The following TMPRSS15 variants were observed in gnomAD, a reference collection of about 807,000 sequenced individuals.
TMPRSS15 encodes enteropeptidase.
Under a neutral mutation model 125.3 loss-of-function variants are expected in TMPRSS15, and 128 were observed. That is an observed-to-expected ratio of 1.02 (90% CI 0.89 to 1.18). TMPRSS15 has a LOEUF of 1.18. Ranked by LOEUF, TMPRSS15 falls within the 50% of genes most tolerant of loss-of-function variation. The probability of loss-of-function intolerance (pLI) is 0.00; values close to 1 mark genes in which losing one functional copy is unlikely to be tolerated. For missense variants in TMPRSS15, 1,283 were observed against 1,212.7 expected, an observed-to-expected ratio of 1.06 and a Z score of -0.86; for synonymous variants, 446 against 423.2, an observed-to-expected ratio of 1.05 and a Z score of -0.66.
chr21:18,288,002 G>T (rs977345224), intron 21 of TMPRSS15, among the ~76,000 whole-genome samples: 2 of 152,114 alleles, frequency 1.3e-5, no homozygotes, highest in Admixed American at 6.6e-5. Flanking sequence ...CAAAGGAAAA[G>T]AAATCAGTGT....
intron 1 of TMPRSS15, among the ~76,000 whole-genome samples, chr21:18,440,266 G>C (rs1310469818): frequency 1.3e-5 from 2 of 149,224 alleles, no homozygotes; most frequent in African/African-American, 5.0e-5. Context: ...CCAGCTACAC[G>C]GGAGGCTGAG....
At chr21:18,437,064 A>G (rs1474664022) in intron 1 of TMPRSS15, among the ~76,000 whole-genome samples, 1 of 148,650 alleles carries the variant, frequency 6.7e-6, no homozygotes, top group Non-Finnish European at 1.5e-5. Flanking sequence ...ATGCTACCTG[A>G]CTTCAAACTA....
intron 18 of TMPRSS15, among the ~76,000 whole-genome samples, chr21:18,308,416 AG>A (rs1379411255): frequency 6.8e-6 from 1 of 147,696 alleles, no homozygotes; most frequent in East Asian, 1.9e-4. Context: ...TTTAAAGTAC[AG>A]GAAGGCTCTG....
intron 16 of TMPRSS15, among the ~76,000 whole-genome samples, chr21:18,317,801 TCCC>T (rs2075184532): frequency 1.9e-5 from 2 of 107,146 alleles, no homozygotes; most frequent in Non-Finnish European, 1.9e-5. Context: ...TCCCATCCCA[TCCC>T]ATCCCATCCC....
Position 18,269,982 on chromosome 21 carries a change from C to G in TMPRSS15, c.3047G>C (p.Ser1016Thr). 6.2e-7 allele frequency: 1 copy of G among 1,613,780 alleles called. No individual in the cohort carries two copies. The highest frequency in any genetic ancestry group is 1.3e-5 in the African/African-American group (1 of 74,970). ...TTAAGAAATGCGCTAATGTAGAAAA[C>G]TTTGTATCCATTCGGTAAACCTTGA... The part of the protein sequence containing the change: ...RVSRFTEWIQ[S>T]FLH The change falls in exon 25 of 25, where the codon AGT becomes ACT. Residue 1016 changes from serine to threonine, a missense_variant. Ser to Thr is a moderately conservative substitution (Grantham distance 58). Transcript: ENST00000284885.
intron 16 of TMPRSS15, among the ~76,000 whole-genome samples, chr21:18,319,721 G>A (rs762429376): frequency 4.6e-5 from 7 of 152,270 alleles, no homozygotes; most frequent in South Asian, 2.1e-4. Context: ...GAGCCACCGC[G>A]CCCGGCCTTT....
At chr21:18,392,019 C>T (rs946178131) in intron 3 of TMPRSS15, among the ~76,000 whole-genome samples, 5 of 152,166 alleles carry the variant, frequency 3.3e-5, no homozygotes, top group Non-Finnish European at 5.9e-5. Flanking sequence ...GGGCACCAAG[C>T]CCCAAGGCTG....
chr21:18,458,466 A>C (rs1287428136), intron 1 of TMPRSS15, among the ~76,000 whole-genome samples: 1 of 152,112 alleles, frequency 6.6e-6, no homozygotes, highest in Non-Finnish European at 1.5e-5. Context: ...AAATAGATGA[A>C]ATTCAGCAAT....
In TMPRSS15 at chr21:18,372,300, G is replaced by C; in HGVS notation, c.557C>G (p.Pro186Arg). Residue 186 changes from proline to arginine, a missense_variant, in exon 6 of 25, where the codon CCT (proline) becomes CGT (arginine). Pro to Arg is a moderately radical substitution (Grantham distance 103). Coordinates refer to ENST00000284885, the MANE Select transcript of TMPRSS15 (RefSeq NM_002772.3). ...TPGNVSIECLPGSSPCTDALT... is the reference protein window; with the variant it reads ...TPGNVSIECLRGSSPCTDALT... ...AGCATCAGTACAAGGACTTGAACCA[G>C]GCAGGCACTCTATTGAGACATTTCC... 6.2e-7 allele frequency: 1 copy of C among 1,613,150 alleles called. No individual in the cohort carries two copies. Among genetic ancestry groups the C allele is most frequent in the Non-Finnish European group, 8.5e-7 (1 of 1,179,436 alleles).
chr21:18,347,973 A>C (rs968134299), intron 10 of TMPRSS15, among the ~76,000 whole-genome samples: 3 of 152,160 alleles, frequency 2.0e-5, no homozygotes, highest in Non-Finnish European at 4.4e-5. Flanking sequence ...CTGTTTTTAC[A>C]AAAAAGAGAA....
intron 1 of TMPRSS15, among the ~76,000 whole-genome samples, chr21:18,451,894 C>CATGCATGCATAATTTT (rs901749433): frequency 3.2e-5 from 4 of 124,072 alleles, no homozygotes; most frequent in Non-Finnish European, 7.0e-5. Context: ...ACATGCATGA[C>CATGCATGCATAATTTT]ATGCATGCAT....
In TMPRSS15 at chr21:18,294,441, C is replaced by A. The variant is rs1568988725; in HGVS notation, c.2315G>T (p.Cys772Phe). Residue 772 changes from cysteine (C) to phenylalanine (F), a missense_variant, in exon 21 of 25, where the codon TGT becomes TTT. Physicochemically the swap from Cys to Phe is radical, Grantham distance 205 (BLOSUM62 -2). Coordinates refer to ENST00000284885, the MANE Select transcript of TMPRSS15 (RefSeq NM_002772.3). ...LIRLQCNHKSCGKKLAAQDIT... is the reference protein window; with the variant it reads ...LIRLQCNHKSFGKKLAAQDIT... ...GTCTTGAGCTGCCAGTTTTTTTCCACAAGCTATTAAAATAATTGGAGAAAG... is the reference window on the plus strand; with the variant it reads ...GTCTTGAGCTGCCAGTTTTTTTCCAAAAGCTATTAAAATAATTGGAGAAAG... 1.2e-6 allele frequency: 2 copies of A among 1,614,190 alleles called. No individual in the cohort carries two copies. Among genetic ancestry groups the A allele is most frequent in the East Asian group, 2.2e-5 (1 of 44,884 alleles).
intron 17 of TMPRSS15, among the ~76,000 whole-genome samples, chr21:18,313,663 C>T (rs2075126561): frequency 6.6e-6 from 1 of 151,624 alleles, no homozygotes; most frequent in Non-Finnish European, 1.5e-5. Flanking sequence ...TTCTTAAGAG[C>T]ATGATGGAAG....
chr21:18,354,654 G>A (rs1473715775), intron 8 of TMPRSS15, among the ~76,000 whole-genome samples: 1 of 151,504 alleles, frequency 6.6e-6, no homozygotes, highest in African/African-American at 2.4e-5. Flanking sequence ...CACAGTCCAC[G>A]AACAGATACA....
At chr21:18,428,052 T>C (rs1402816028) in intron 1 of TMPRSS15, among the ~76,000 whole-genome samples, 1 of 152,242 alleles carries the variant, frequency 6.6e-6, no homozygotes, top group Non-Finnish European at 1.5e-5. Flanking sequence ...AATGAAGAGT[T>C]ACAATGGGAA....
chr21:18,279,676 G>T (rs1012969027), intron 22 of TMPRSS15, among the ~76,000 whole-genome samples: 1 of 151,558 alleles, frequency 6.6e-6, no homozygotes, highest in South Asian at 2.1e-4. Flanking sequence ...TAGTTCTGGA[G>T]GTAATCATTT....
intron 21 of TMPRSS15, 122 bp downstream of exon 21, chr21:18,294,145 TATA>T: frequency 8.8e-7 from 1 of 1,142,482 alleles, no homozygotes; most frequent in Admixed American, 2.0e-5. Context: ...TTGGAATGTT[TATA>T]ATGTCATAAA....
intron 6 of TMPRSS15, among the ~76,000 whole-genome samples, chr21:18,367,801 C>A (rs1245790615): frequency 6.6e-6 from 1 of 152,082 alleles, no homozygotes; most frequent in Non-Finnish European, 1.5e-5. Context: ...AACTGAGGCA[C>A]ATATGGGTTA....
chr21:18,329,254 T>G lies in TMPRSS15; in HGVS notation c.1695A>C (p.Gln565His). 2.5e-6 allele frequency: 4 copies of G among 1,612,130 alleles called. No individual in the cohort carries two copies. Among genetic ancestry groups the G allele is most frequent in the Non-Finnish European group, 3.4e-6 (4 of 1,178,754 alleles). ...CTAAGTCAAATTCTTGAAAATGAAGTTGTATATTCTTTCCTTTTTGTGCAT... is the reference window on the plus strand; with the variant it reads ...CTAAGTCAAATTCTTGAAAATGAAGGTGTATATTCTTTCCTTTTTGTGCAT... Reference protein sequence around the residue: ...ILNAQKGKNIQLHFQEFDLEN... With the variant: ...ILNAQKGKNIHLHFQEFDLEN... The change falls in exon 15 of 25, where the codon CAA becomes CAC. Residue 565 changes from glutamine to histidine, a missense_variant. Coordinates refer to ENST00000284885, the MANE Select transcript of TMPRSS15 (RefSeq NM_002772.3).
Sources: allele counts gnomAD v4.1 joint callset (sites outside exome capture counted in the v4.1 genomes callset), GRCh38; gene constraint gnomAD v4.1.1; transcripts MANE v1.5; gene names NCBI Gene and HGNC (gene_info 2026-07-23, HGNC 2026-07-21).